Variants in HSDL2 observed in about 807,000 individuals in gnomAD.
HSDL2 encodes hydroxysteroid dehydrogenase-like protein 2.
In HSDL2, 27 loss-of-function variants were observed where a neutral mutation model predicts 46.3. That is an observed-to-expected ratio of 0.58 (90% CI 0.43 to 0.80). The LOEUF (loss-of-function observed/expected upper bound fraction) is 0.80. Ranked by LOEUF, HSDL2 falls within the 30% of genes least tolerant of loss-of-function variation. HSDL2 has a pLI of 0.00. For missense variants in HSDL2, 451 were observed against 502.7 expected, an observed-to-expected ratio of 0.90 and a Z score of 0.98; for synonymous variants, 153 against 163.6, an observed-to-expected ratio of 0.94 and a Z score of 0.50.
At chr9:112,431,368 A>G (rs1011740177) in intron 6 of HSDL2, among the ~76,000 whole-genome samples, 1 of 152,168 alleles carries the variant, frequency 6.6e-6, no homozygotes, top group Non-Finnish European at 1.5e-5. Flanking sequence ...AGAAAGGACT[A>G]TTGTCCATTT....
At chr9:112,421,632 C>T (rs1832126683) in intron 6 of HSDL2, among the ~76,000 whole-genome samples, 1 of 152,090 alleles carries the variant, frequency 6.6e-6, no homozygotes, top group Non-Finnish European at 1.5e-5. Flanking sequence ...AACTTCTTGC[C>T]TCAAGTGATA....
intron 8 of HSDL2, among the ~76,000 whole-genome samples, chr9:112,445,610 C>T (rs1279559026): frequency 6.6e-6 from 1 of 151,978 alleles, no homozygotes; most frequent in Non-Finnish European, 1.5e-5. Context: ...CTGCAACCTC[C>T]ACCGCCCAGG....
intron 8 of HSDL2, among the ~76,000 whole-genome samples, chr9:112,442,334 C>T (rs1246072843): frequency 3.2e-5 from 4 of 123,860 alleles, no homozygotes; most frequent in African/African-American, 1.2e-4. Flanking sequence ...TGGTTAAAAA[C>T]AAGTCTGAAA....
chr9:112,408,337 T>C (rs1455610604), intron 3 of HSDL2, among the ~76,000 whole-genome samples: 1 of 152,170 alleles, frequency 6.6e-6, no homozygotes, highest in Non-Finnish European at 1.5e-5. Context: ...AGACTAAGCC[T>C]CCTTGTAGTT....
At chr9:112,420,333 G>A (rs995434440) in intron 6 of HSDL2, among the ~76,000 whole-genome samples, 12 of 151,886 alleles carry the variant, frequency 7.9e-5, no homozygotes, top group Admixed American at 3.9e-4. Flanking sequence ...AACAAAATAT[G>A]TAAATGGCAA....
chr9:112,443,863 G>A (rs1341512650), intron 8 of HSDL2, among the ~76,000 whole-genome samples: 1 of 152,244 alleles, frequency 6.6e-6, no homozygotes, highest in Non-Finnish European at 1.5e-5. Context: ...ATATAATTGT[G>A]CATGAAACAG....
At chr9:112,382,997 G>C (rs1221963128) in intron 1 of HSDL2, among the ~76,000 whole-genome samples, 2 of 149,170 alleles carry the variant, frequency 1.3e-5, no homozygotes, top group African/African-American at 5.0e-5. Context: ...GTTAAACCGA[G>C]ATCTTTCTTT....
At chr9:112,454,256 T>C (rs960152034) in intron 9 of HSDL2, 94 bp downstream of exon 9, 1 of 970,088 alleles carries the variant, frequency 1.0e-6, no homozygotes, top group African/African-American at 1.6e-5. Flanking sequence ...ATCCCCTGGA[T>C]AGTTGGCTGC....
chr9:112,396,757 T>C (rs543828267), intron 1 of HSDL2, among the ~76,000 whole-genome samples: 1 of 152,220 alleles, frequency 6.6e-6, no homozygotes, highest in East Asian at 1.9e-4. Flanking sequence ...GTAGTAAATT[T>C]AGAGGAATGG....
chr9:112,454,245 G>A, intron 9 of HSDL2, 83 bp downstream of exon 9: 2 of 1,098,136 alleles, frequency 1.8e-6, no homozygotes, highest in Non-Finnish European at 2.6e-6. Context: ...GTCCAACAGT[G>A]ATCCCCTGGA....
At chr9:112,430,600 G>T (rs1194769036) in intron 6 of HSDL2, among the ~76,000 whole-genome samples, 1 of 152,164 alleles carries the variant, frequency 6.6e-6, no homozygotes, top group Admixed American at 6.6e-5. Context: ...GCTATTGCAG[G>T]AACTGAGGCA....
At chr9:112,429,921 A>C (rs1041626416) in intron 6 of HSDL2, among the ~76,000 whole-genome samples, 1 of 152,110 alleles carries the variant, frequency 6.6e-6, no homozygotes, top group African/African-American at 2.4e-5. Flanking sequence ...GCAGAACTCC[A>C]TATCTACAAA....
Position 112,380,111 on chromosome 9 carries a change from T to G in HSDL2, c.-53T>G. On this transcript the variant is annotated 5_prime_UTR_variant, in exon 1 of 11. Coordinates refer to ENST00000398805, the MANE Select transcript of HSDL2 (RefSeq NM_032303.5). ...TGCGGAGGGACGGTCCAGCTTTAGC[T>G]CTCTGCTCGCCGCCGCCGCTGTCGC... 1.3e-6 allele frequency: 2 copies of G among 1,501,654 alleles called. No homozygotes were observed. Among genetic ancestry groups the G allele is most frequent in the Non-Finnish European group, 1.8e-6 (2 of 1,102,392 alleles). The allele number at this position is 1,501,654 out of a possible 1,614,324, so 93.0% of individuals were successfully genotyped here. A position where few individuals can be genotyped will look rare whatever the true frequency, so the allele number is the denominator to read the frequency against.
intron 4 of HSDL2, among the ~76,000 whole-genome samples, chr9:112,416,440 AAAC>A (rs1436420150): frequency 6.6e-6 from 1 of 150,880 alleles, no homozygotes; most frequent in Non-Finnish European, 1.5e-5. Context: ...TTAAAAAAAA[AAAC>A]AAACAAAAAA....
At chr9:112,392,609 T>C (rs1361213981) in intron 1 of HSDL2, among the ~76,000 whole-genome samples, 1 of 152,212 alleles carries the variant, frequency 6.6e-6, no homozygotes, top group East Asian at 1.9e-4. Context: ...CACATCCGTT[T>C]ATAGGCTCTC....
In HSDL2 at chr9:112,405,712, G is replaced by A. The variant is rs747740887; in HGVS notation, c.270G>A (p.Lys90=). Residue 90 remains lysine, a synonymous_variant, in exon 3 of 11, where the codon AAG becomes AAA. Coordinates refer to ENST00000398805, the MANE Select transcript of HSDL2 (RefSeq NM_032303.5). Reference sequence around the variant, plus strand: ...GTGCTGCAGTGGAGAAAGCCATCAAGAAATTTGGAGGTAATACCTTCATTC... The same window carrying A: ...GTGCTGCAGTGGAGAAAGCCATCAAAAAATTTGGAGGTAATACCTTCATTC... ...QISAAVEKAI[K]KFGGIDILVN... 6.9e-6 allele frequency: 11 copies of A among 1,602,656 alleles called. No homozygotes were observed. The highest frequency in any genetic ancestry group is 3.3e-4 in the Middle Eastern group (2 of 6,022).
chr9:112,404,988 C>T (rs571333290), intron 2 of HSDL2, among the ~76,000 whole-genome samples: 6 of 152,290 alleles, frequency 3.9e-5, no homozygotes, highest in Non-Finnish European at 7.4e-5. Flanking sequence ...GTGATGGATT[C>T]CTGTTAGTTT....
rs756308509 is a variant in HSDL2 at position 112,404,027 on chromosome 9, G to C, written c.50G>C (p.Gly17Ala). 1 of 1,614,170 alleles carries C rather than the reference G, an allele frequency of 6.2e-7. No individual in the cohort carries two copies. The highest frequency in any genetic ancestry group is 8.5e-7 in the Non-Finnish European group (1 of 1,180,018). ...GCAGGATGTACAGTTTTTATCACAG[G>C]TGCAAGCCGTGGCATTGGCAAAGCT... ...RLAGCTVFIT[G>A]ASRGIGKAIA... The change falls in exon 2 of 11, where the codon GGT becomes GCT. Residue 17 changes from glycine (G) to alanine (A), a missense_variant. Gly to Ala is a moderately conservative substitution (Grantham distance 60, BLOSUM62 0). Coordinates refer to ENST00000398805, the MANE Select transcript of HSDL2 (RefSeq NM_032303.5).
intron 1 of HSDL2, among the ~76,000 whole-genome samples, chr9:112,384,930 G>A (rs545750896): frequency 6.6e-6 from 1 of 152,114 alleles, no homozygotes; most frequent in South Asian, 2.1e-4. Context: ...CTAAATACAA[G>A]CATTGGCAAA....
Sources: gnomAD v4.1 joint callset for allele counts (sites outside exome capture counted in the v4.1 genomes callset) on GRCh38, gnomAD v4.1.1 for gene constraint, MANE v1.5 for transcripts, NCBI Gene and HGNC (gene_info 2026-07-23, HGNC 2026-07-21) for gene names.